The following PELI2 variants were observed in gnomAD, a reference collection of about 807,000 sequenced individuals.
PELI2 encodes pellino E3 ubiquitin protein ligase family member 2.
In PELI2, 23 loss-of-function variants were observed where a neutral mutation model predicts 42.3. The observed-to-expected ratio is 0.54, with a 90% CI of 0.39 to 0.77. The LOEUF is 0.77. Among genes scored for constraint, PELI2 ranks in the 30% least tolerant of loss-of-function variants. The probability of loss-of-function intolerance (pLI) is 0.00; values close to 1 mark genes in which losing one functional copy is unlikely to be tolerated. For synonymous variants in PELI2, 245 were observed against 212.2 expected, an observed-to-expected ratio of 1.15 and a Z score of -1.34; for missense variants, 463 against 553.2, an observed-to-expected ratio of 0.84 and a Z score of 1.64.
At chr14:56,152,040 C>G (rs1884380037) in intron 1 of PELI2, among the ~76,000 whole-genome samples, 1 of 152,146 alleles carries the variant, frequency 6.6e-6, no homozygotes, top group Non-Finnish European at 1.5e-5. Context: ...TAGAAGCTGC[C>G]CTGTCTCCAG....
chr14:56,269,973 A>G (rs1350721897), intron 2 of PELI2, among the ~76,000 whole-genome samples: 1 of 152,276 alleles, frequency 6.6e-6, no homozygotes, highest in South Asian at 2.1e-4. Flanking sequence ...GCTTCTTTGT[A>G]CTTGAGCGTG....
intron 1 of PELI2, among the ~76,000 whole-genome samples, chr14:56,128,299 G>C (rs983962053): frequency 6.6e-6 from 1 of 152,174 alleles, no homozygotes; most frequent in Non-Finnish European, 1.5e-5. Flanking sequence ...TCATTAATTA[G>C]GGTGTAGCGG....
intron 1 of PELI2, among the ~76,000 whole-genome samples, chr14:56,168,735 CAGA>C (rs1885060491): frequency 6.6e-6 from 1 of 151,716 alleles, no homozygotes; most frequent in Admixed American, 6.6e-5. Flanking sequence ...CTTTGTCAAG[CAGA>C]AGGAGTTTTG....
chr14:56,148,624 C>T (rs2139617080), intron 1 of PELI2, among the ~76,000 whole-genome samples: 1 of 152,348 alleles, frequency 6.6e-6, no homozygotes, highest in East Asian at 1.9e-4. Context: ...GTGTAGGTGC[C>T]TCAGCTGCCT....
chr14:56,272,766 T>C (rs986651689), intron 2 of PELI2, among the ~76,000 whole-genome samples: 1 of 152,198 alleles, frequency 6.6e-6, no homozygotes, highest in African/African-American at 2.4e-5. Flanking sequence ...ACAAACAACC[T>C]CTTAACATAC....
intron 1 of PELI2, among the ~76,000 whole-genome samples, chr14:56,150,391 C>A (rs975834371): frequency 5.9e-5 from 9 of 152,120 alleles, no homozygotes; most frequent in African/African-American, 1.9e-4. Context: ...CGTAACTGAT[C>A]CCATTTTCTA....
In PELI2 at chr14:56,299,001, A is replaced by C. The variant is rs957802761; in HGVS notation, c.*1835A>C. The C allele has an allele frequency of 2.0e-5, 3 of 152,226 alleles. No individual in the cohort carries two copies. The highest frequency in any genetic ancestry group is 2.9e-5 in the Non-Finnish European group (2 of 68,044). The allele number at this position is 152,226 out of a possible 1,614,324, so 9.4% of individuals were successfully genotyped here. On this transcript the variant is annotated 3_prime_UTR_variant, in exon 6 of 6. Transcript: ENST00000267460. ...TAATATATTGAATGCCTTTTGATTT[A>C]GCCAGAGTCTCTGATGATTAGCTTT...
chr14:56,125,825 G>A (rs1883236914), intron 1 of PELI2, among the ~76,000 whole-genome samples: 1 of 152,020 alleles, frequency 6.6e-6, no homozygotes. Flanking sequence ...CCCCTCCTTG[G>A]AATGCTGGGC....
chr14:56,122,874 A>C (rs1883114569), intron 1 of PELI2, among the ~76,000 whole-genome samples: 1 of 152,230 alleles, frequency 6.6e-6, no homozygotes, highest in Non-Finnish European at 1.5e-5. Flanking sequence ...TTGATATTTA[A>C]GTATAAGTGA....
chr14:56,167,697 G>A (rs1885013472), intron 1 of PELI2, among the ~76,000 whole-genome samples: 1 of 152,182 alleles, frequency 6.6e-6, no homozygotes, highest in Non-Finnish European at 1.5e-5. Flanking sequence ...TTCATTTGGT[G>A]AGGTCATGTT....
At chr14:56,223,481 C>T (rs955712621) in intron 2 of PELI2, among the ~76,000 whole-genome samples, 1 of 152,158 alleles carries the variant, frequency 6.6e-6, no homozygotes, top group Admixed American at 6.5e-5. Flanking sequence ...CTGGTCTCTA[C>T]TCGCATGTTG....
At chr14:56,207,891 A>G (rs1886576155) in intron 2 of PELI2, among the ~76,000 whole-genome samples, 1 of 152,256 alleles carries the variant, frequency 6.6e-6, no homozygotes, top group African/African-American at 2.4e-5. Flanking sequence ...GCCTTCTCTC[A>G]GGACAGACTG....
chr14:56,253,435 T>C (rs544039920), intron 2 of PELI2, among the ~76,000 whole-genome samples: 1 of 152,290 alleles, frequency 6.6e-6, no homozygotes, highest in Admixed American at 6.5e-5. Flanking sequence ...ATGACATGAT[T>C]GTATATTTAG....
intron 2 of PELI2, among the ~76,000 whole-genome samples, chr14:56,191,129 G>A (rs1388573385): frequency 6.6e-6 from 1 of 152,188 alleles, no homozygotes; most frequent in South Asian, 2.1e-4. Context: ...GTCCTGACAA[G>A]TCTCTGTTCC....
chr14:56,132,902 C>A (rs756711805), intron 1 of PELI2, among the ~76,000 whole-genome samples: 3 of 152,152 alleles, frequency 2.0e-5, no homozygotes, highest in Non-Finnish European at 4.4e-5. Context: ...ATCATTAACA[C>A]AGATCATTTA....
chr14:56,270,928 T>A (rs952622567), intron 2 of PELI2, among the ~76,000 whole-genome samples: 3 of 152,328 alleles, frequency 2.0e-5, no homozygotes, highest in South Asian at 2.1e-4. Flanking sequence ...TTTTCTAAAG[T>A]ACATGTAAAG....
intron 2 of PELI2, among the ~76,000 whole-genome samples, chr14:56,251,303 A>C (rs1283563959): frequency 6.6e-6 from 1 of 152,248 alleles, no homozygotes. Context: ...TCCTCCTAGG[A>C]AGATAGTAGC....
At chr14:56,265,900 T>C (rs1316562196) in intron 2 of PELI2, among the ~76,000 whole-genome samples, 1 of 151,996 alleles carries the variant, frequency 6.6e-6, no homozygotes, top group African/African-American at 2.4e-5. Flanking sequence ...GAGATATCAC[T>C]ACACACTCAT....
At chr14:56,186,869 A>G (rs1002743829) in intron 2 of PELI2, among the ~76,000 whole-genome samples, 3 of 152,214 alleles carry the variant, frequency 2.0e-5, no homozygotes, top group Admixed American at 2.0e-4. Context: ...TGCGGAAAGA[A>G]TAGTTCTATC....
Sources: gnomAD v4.1 joint callset for allele counts (sites outside exome capture counted in the v4.1 genomes callset) on GRCh38, gnomAD v4.1.1 for gene constraint, MANE v1.5 for transcripts, NCBI Gene and HGNC (gene_info 2026-07-23, HGNC 2026-07-21) for gene names.